ENTREP2: variants seen among roughly 807,000 people sequenced by gnomAD.
The protein encoded by ENTREP2 is protein ENTREP2.
chr15:29,237,039 A>AT, the ENTREP2 span, among the ~76,000 whole-genome samples: 4 of 152,256 alleles, frequency 2.6e-5, no homozygotes, highest in African/African-American at 7.2e-5. Flanking sequence ...TGGCCAAGTG[A>AT]TATTTGTTTT....
the ENTREP2 span, among the ~76,000 whole-genome samples, chr15:29,436,860 G>A: frequency 6.6e-6 from 1 of 152,176 alleles, no homozygotes; most frequent in Admixed American, 6.5e-5. Context: ...AATTTCCAAC[G>A]ATGTTATATT....
chr15:29,562,049 A>G, the ENTREP2 span, among the ~76,000 whole-genome samples: 1 of 152,246 alleles, frequency 6.6e-6, no homozygotes, highest in Admixed American at 6.5e-5. Context: ...TGTCCTGCCA[A>G]GAATGCATGA....
the ENTREP2 span, chr15:29,381,959 A>T: frequency 6.1e-6 from 5 of 816,732 alleles, no homozygotes; most frequent in Non-Finnish European, 9.9e-6. Context: ...TGGCGGGGCT[A>T]CCATGAGCTG....
the ENTREP2 span, among the ~76,000 whole-genome samples, chr15:29,649,315 C>T: frequency 1.4e-4 from 22 of 152,272 alleles, no homozygotes; most frequent in Admixed American, 5.9e-4. Context: ...AGGAAGTGCA[C>T]TTTTCTCCTT....
At chr15:29,419,830 A>G in the ENTREP2 span, among the ~76,000 whole-genome samples, 1 of 152,196 alleles carries the variant, frequency 6.6e-6, no homozygotes, top group South Asian at 2.1e-4. Flanking sequence ...TCACCAAGAA[A>G]ATATCCTTCA....
At chr15:29,663,240 G>C in the ENTREP2 span, among the ~76,000 whole-genome samples, 1 of 152,008 alleles carries the variant, frequency 6.6e-6, no homozygotes, top group African/African-American at 2.4e-5. Context: ...TGGTGGGGTG[G>C]CGGGTGCAGT....
chr15:29,421,076 A>G, the ENTREP2 span, among the ~76,000 whole-genome samples: 1 of 152,236 alleles, frequency 6.6e-6, no homozygotes, highest in Non-Finnish European at 1.5e-5. Flanking sequence ...AGGCCTAGAA[A>G]GCCACCAACC....
At chr15:29,594,558 T>C in the ENTREP2 span, among the ~76,000 whole-genome samples, 3 of 152,188 alleles carry the variant, frequency 2.0e-5, no homozygotes, top group South Asian at 2.1e-4. Context: ...TCCTCAGCAA[T>C]GTACACGGTG....
the ENTREP2 span, chr15:29,136,994 C>T: frequency 7.2e-7 from 1 of 1,396,516 alleles, no homozygotes; most frequent in East Asian, 3.0e-5. Context: ...TGCTGCCCAT[C>T]TTAGTGGTTT....
the ENTREP2 span, among the ~76,000 whole-genome samples, chr15:29,546,897 ACAAC>A: frequency 9.2e-5 from 5 of 54,420 alleles, no homozygotes; most frequent in African/African-American, 5.2e-4. Flanking sequence ...AAAAAAAAAA[ACAAC>A]AACAAAAAAA....
the ENTREP2 span, chr15:29,136,222 G>A: frequency 1.2e-6 from 1 of 808,310 alleles, no homozygotes; most frequent in Non-Finnish European, 1.8e-6. Flanking sequence ...TGCATCCGGG[G>A]GCCTCGGCAC....
the ENTREP2 span, among the ~76,000 whole-genome samples, chr15:29,280,283 A>G: frequency 6.6e-6 from 1 of 152,154 alleles, no homozygotes; most frequent in South Asian, 2.1e-4. Flanking sequence ...TGGCCCCCTG[A>G]GTGAGGAGCC....
the ENTREP2 span, among the ~76,000 whole-genome samples, chr15:29,164,326 T>C: frequency 7.9e-5 from 12 of 152,176 alleles, no homozygotes; most frequent in Non-Finnish European, 1.6e-4. Context: ...AATGCAATGG[T>C]ACCTCACATC....
the ENTREP2 span, among the ~76,000 whole-genome samples, chr15:29,646,374 G>A: frequency 3.9e-5 from 6 of 152,214 alleles, no homozygotes; most frequent in South Asian, 1.0e-3. Flanking sequence ...TCGGGATGCC[G>A]GCACAGTTCC....
At chr15:29,639,965 C>CA in the ENTREP2 span, among the ~76,000 whole-genome samples, 1 of 151,870 alleles carries the variant, frequency 6.6e-6, no homozygotes, top group Non-Finnish European at 1.5e-5. Flanking sequence ...GATGGGGTTT[C>CA]ACCACGTTGG....
the ENTREP2 span, among the ~76,000 whole-genome samples, chr15:29,319,689 A>G: frequency 6.6e-6 from 1 of 152,210 alleles, no homozygotes; most frequent in Non-Finnish European, 1.5e-5. Context: ...CCCCTCAGAG[A>G]GCTGAGGTTG....
At chr15:29,141,985 C>A in the ENTREP2 span, among the ~76,000 whole-genome samples, 1 of 152,276 alleles carries the variant, frequency 6.6e-6, no homozygotes, top group South Asian at 2.1e-4. Flanking sequence ...GGGATGCAGA[C>A]AGGAAGAGCT....
At chr15:29,490,530 G>A in the ENTREP2 span, among the ~76,000 whole-genome samples, 3 of 152,136 alleles carry the variant, frequency 2.0e-5, no homozygotes, top group South Asian at 2.1e-4. Context: ...TGATTGGTCC[G>A]TTTTACAGAG....
At chr15:29,359,411 CTTCT>C in the ENTREP2 span, among the ~76,000 whole-genome samples, 93 of 152,268 alleles carry the variant, frequency 6.1e-4, no homozygotes, top group African/African-American at 2.2e-3. Flanking sequence ...ATTTTTAAAA[CTTCT>C]TTTTTTCTGA....
Sources: allele counts gnomAD v4.1 joint callset (sites outside exome capture counted in the v4.1 genomes callset), GRCh38; gene constraint gnomAD v4.1.1; transcripts MANE v1.5; gene names NCBI Gene and HGNC (gene_info 2026-07-23, HGNC 2026-07-21).